PTPRD: variants seen among roughly 807,000 people sequenced by gnomAD.
PTPRD encodes protein tyrosine phosphatase receptor type D, also known as receptor-type tyrosine-protein phosphatase delta.
A neutral mutation model predicts 214.5 loss-of-function variants in PTPRD; 34 were observed. The observed-to-expected ratio is 0.16, with a 90% CI of 0.12 to 0.21. PTPRD has a LOEUF of 0.21. Ranked by LOEUF, PTPRD falls within the 10% of genes least tolerant of loss-of-function variation. The probability of loss-of-function intolerance (pLI) is 1.00; values close to 1 mark genes in which losing one functional copy is unlikely to be tolerated. For missense variants in PTPRD, 2,545 were observed against 2,398.7 expected, an observed-to-expected ratio of 1.06 and a Z score of -1.27; for synonymous variants, 1,128 against 845.7, an observed-to-expected ratio of 1.33 and a Z score of -5.79.
chr9:8,824,339 G>C (rs2097134604), intron 11 of PTPRD, among the ~76,000 whole-genome samples: 1 of 152,110 alleles, frequency 6.6e-6, no homozygotes, highest in Non-Finnish European at 1.5e-5. Flanking sequence ...CAGGGACAAA[G>C]ATCTATTTTT....
At chr9:8,544,498 T>A (rs2079416116) in intron 14 of PTPRD, among the ~76,000 whole-genome samples, 1 of 135,060 alleles carries the variant, frequency 7.4e-6, no homozygotes, top group Non-Finnish European at 1.5e-5. Context: ...TGAGACAGAG[T>A]CTCATCTGTT....
chr9:9,847,351 A>T (rs1037665183), intron 5 of PTPRD, among the ~76,000 whole-genome samples: 5 of 152,152 alleles, frequency 3.3e-5, no homozygotes, highest in African/African-American at 9.6e-5. Flanking sequence ...ATTTTTACTC[A>T]TGAGTACCAT....
At chr9:10,279,174 TCTTGTCAGTAGTA>T (rs1334622553) in intron 3 of PTPRD, among the ~76,000 whole-genome samples, 1 of 151,494 alleles carries the variant, frequency 6.6e-6, no homozygotes, top group Admixed American at 6.5e-5. Flanking sequence ...ATCCCTCCAC[TCTTGTCAGTAGTA>T]AGAACATATT....
At chr9:10,489,516 T>G (rs939804946) in intron 2 of PTPRD, among the ~76,000 whole-genome samples, 1 of 152,148 alleles carries the variant, frequency 6.6e-6, no homozygotes, top group Admixed American at 6.5e-5. Context: ...AGTTCAGCAC[T>G]AGGACTCACC....
intron 7 of PTPRD, among the ~76,000 whole-genome samples, chr9:9,618,586 T>G (rs1201511435): frequency 2.6e-5 from 4 of 152,010 alleles, no homozygotes; most frequent in Non-Finnish European, 5.9e-5. Context: ...ATCTTAATCT[T>G]TGGAAACTGT....
chr9:8,493,960 G>A (rs560634003), intron 26 of PTPRD, among the ~76,000 whole-genome samples: 129 of 151,342 alleles, frequency 8.5e-4, no homozygotes, highest in African/African-American at 2.7e-3. Flanking sequence ...ACACATGCGC[G>A]CGTACACAGA....
intron 14 of PTPRD, among the ~76,000 whole-genome samples, chr9:8,585,590 A>G (rs989362137): frequency 5.9e-5 from 9 of 152,206 alleles, no homozygotes; most frequent in Non-Finnish European, 8.8e-5. Flanking sequence ...ACCAACCACC[A>G]TACATTGCAA....
chr9:8,444,606 T>C (rs1054675337), intron 34 of PTPRD, among the ~76,000 whole-genome samples: 4 of 152,072 alleles, frequency 2.6e-5, no homozygotes, highest in Non-Finnish European at 5.9e-5. Context: ...TGTTGGACCG[T>C]TTCCCACCAT....
chr9:9,319,734 C>T (rs1306062837), intron 9 of PTPRD, among the ~76,000 whole-genome samples: 1 of 152,082 alleles, frequency 6.6e-6, no homozygotes, highest in Non-Finnish European at 1.5e-5. Context: ...CTATAGTCAT[C>T]AAAAGTTTCT....
chr9:9,284,279 G>A (rs1948687207), intron 9 of PTPRD, among the ~76,000 whole-genome samples: 1 of 151,642 alleles, frequency 6.6e-6, no homozygotes, highest in South Asian at 2.1e-4. Flanking sequence ...AGGTAATAAA[G>A]TTTGTTGGTT....
chr9:8,529,389 T>C (rs1409920710), intron 14 of PTPRD, among the ~76,000 whole-genome samples: 1 of 152,118 alleles, frequency 6.6e-6, no homozygotes, highest in Non-Finnish European at 1.5e-5. Flanking sequence ...AGAGCTTCAA[T>C]TAACCAGAAA....
chr9:10,545,957 T>G (rs899102824), intron 2 of PTPRD, among the ~76,000 whole-genome samples: 6 of 152,174 alleles, frequency 3.9e-5, no homozygotes, highest in African/African-American at 1.4e-4. Context: ...TCTTCAGGAA[T>G]GAATGCATCT....
intron 12 of PTPRD, among the ~76,000 whole-genome samples, chr9:8,652,754 T>C (rs531667301): frequency 1.3e-5 from 2 of 152,286 alleles, no homozygotes; most frequent in East Asian, 3.9e-4. Context: ...TTTTTTAGTG[T>C]CCACAGATCA....
chr9:10,512,383 G>C (rs1325489504), intron 2 of PTPRD, among the ~76,000 whole-genome samples: 9 of 151,910 alleles, frequency 5.9e-5, no homozygotes. Flanking sequence ...GCCAAGAATG[G>C]TGAGTTTGCA....
chr9:9,988,669 A>G (rs2095804077), intron 4 of PTPRD, among the ~76,000 whole-genome samples: 1 of 152,030 alleles, frequency 6.6e-6, no homozygotes, highest in Admixed American at 6.6e-5. Flanking sequence ...TTATTAAAAA[A>G]CCCCAGAGTA....
intron 3 of PTPRD, among the ~76,000 whole-genome samples, chr9:10,299,861 C>T (rs1168372343): frequency 6.6e-6 from 1 of 152,136 alleles, no homozygotes; most frequent in Non-Finnish European, 1.5e-5. Flanking sequence ...TGCTTTTTCC[C>T]ATTAAATATA....
chr9:8,626,692 G>A (rs1044900080), intron 14 of PTPRD, among the ~76,000 whole-genome samples: 4 of 151,642 alleles, frequency 2.6e-5, no homozygotes, highest in Non-Finnish European at 4.4e-5. Context: ...AAGGAAGGAA[G>A]AACTCCTCCT....
At position 8,550,383 on chromosome 9, in the gene PTPRD, C is replaced by T. The variant is rs186701488; in HGVS notation, c.353-21604G>A. On this transcript the variant is annotated intron_variant, in intron 14 of 45. Transcript: ENST00000381196. ...AAATACTTTAAAAATTTACTATTAC[C>T]ACTACTGCTGCCACTACTGCTACTA... 4.3e-4 allele frequency among the ~76,000 whole-genome samples: 65 copies of T among 152,092 alleles called. No homozygotes were observed. In the East Asian group the frequency reaches 0.012, roughly 28 times the overall value.
chr9:9,286,759 G>A (rs1240762398), intron 9 of PTPRD, among the ~76,000 whole-genome samples: 1 of 149,428 alleles, frequency 6.7e-6, no homozygotes, highest in Non-Finnish European at 1.5e-5. Context: ...CTATAATATA[G>A]GCCAGTGTCT....
Sources: allele counts gnomAD v4.1 joint callset (sites outside exome capture counted in the v4.1 genomes callset), GRCh38; gene constraint gnomAD v4.1.1; transcripts MANE v1.5; gene names NCBI Gene and HGNC (gene_info 2026-07-23, HGNC 2026-07-21).